The following NLN variants were observed in gnomAD, a reference collection of about 807,000 sequenced individuals.
The protein encoded by NLN is neurolysin, also known as neurolysin, mitochondrial.
NLN carries 64 observed loss-of-function variants against 79.9 expected under a neutral mutation model. That is an observed-to-expected ratio of 0.80 (90% CI 0.65 to 0.99). The LOEUF (loss-of-function observed/expected upper bound fraction) is 0.99. Ranked by LOEUF, NLN falls within the 50% of genes least tolerant of loss-of-function variation. The pLI is 0.00. For missense variants in NLN, 835 were observed against 858.7 expected (o/e 0.97, Z 0.34); for synonymous variants, 267 against 296.6 (o/e 0.90, Z 1.02).
At chr5:65,744,664 C>CGAGGCGGGTGGATCACCT (rs987929769) in intron 1 of NLN, among the ~76,000 whole-genome samples, 6 of 152,150 alleles carry the variant, frequency 3.9e-5, no homozygotes, top group Non-Finnish European at 7.4e-5. Context: ...TTTGGGAGGC[C>CGAGGCGGGTGGATCACCT]GAGGCGGGTG....
At chr5:65,730,647 C>G (rs1441943820) in intron 1 of NLN, among the ~76,000 whole-genome samples, 1 of 151,878 alleles carries the variant, frequency 6.6e-6, no homozygotes, top group African/African-American at 2.4e-5. Context: ...ACCTCCTCCT[C>G]CTGGGTTCAA....
rs569198174 is a variant in NLN, at chr5:65,778,602, CTAA to C, written c.558+1069_558+1071del. On this transcript the variant is annotated intron_variant, in intron 4 of 12. Transcript: ENST00000380985. ...TTAGTTAAGATATGTTTGGTTGCAG[CTAA>C]CAAAACCCTGTTTAAACGAGAGATT... 1.5e-4 allele frequency among the ~76,000 whole-genome samples: 23 copies of C among 152,278 alleles called. No homozygotes were observed. In the South Asian group the frequency reaches 4.8e-3, roughly 32 times the overall value.
chr5:65,799,286 A>G (rs1760232283), intron 9 of NLN, among the ~76,000 whole-genome samples: 5 of 152,226 alleles, frequency 3.3e-5, no homozygotes, highest in Admixed American at 3.3e-4. Flanking sequence ...AGTATCTTGA[A>G]TGTTCAGAAT....
chr5:65,802,477 G>A (rs749244087), intron 9 of NLN, among the ~76,000 whole-genome samples: 7 of 152,208 alleles, frequency 4.6e-5, no homozygotes, highest in African/African-American at 9.6e-5. Context: ...CACAGCCCTA[G>A]CTCAGGGAGC....
chr5:65,722,265 C>T lies in NLN; in HGVS notation c.-109C>T. On this transcript the variant is annotated 5_prime_UTR_variant, in exon 1 of 13. Coordinates refer to ENST00000380985, the MANE Select transcript of NLN (RefSeq NM_020726.5). The stretch of plus-strand genomic sequence containing the variant: ...GCTGGCCAGGCAGCCACTGTGGCCT[C>T]TGCGGCTAGGCCGGCTCGAGACTCC... The T allele has an allele frequency of 1.2e-6, 1 of 810,654 alleles. No individual in the cohort carries two copies. Among genetic ancestry groups the T allele is most frequent in the Non-Finnish European group, 1.8e-6 (1 of 553,680 alleles). 50.2% of individuals were successfully genotyped at this position (810,654 alleles called of 1,614,324 possible). A position where few individuals can be genotyped will look rare whatever the true frequency, so the allele number is the denominator to read the frequency against.
chr5:65,816,416 A>G (rs1760672591), intron 12 of NLN, among the ~76,000 whole-genome samples: 1 of 152,164 alleles, frequency 6.6e-6, no homozygotes, highest in Admixed American at 6.5e-5. Flanking sequence ...AGGATCAGGA[A>G]AAGTAACTAA....
intron 1 of NLN, among the ~76,000 whole-genome samples, chr5:65,746,574 A>G (rs1237347768): frequency 1.3e-5 from 2 of 152,168 alleles, no homozygotes. Flanking sequence ...AGTCTTGAGG[A>G]TGAAGGGAAA....
intron 5 of NLN, 80 bp downstream of exon 5, chr5:65,780,361 A>G (rs1759772974): frequency 1.4e-5 from 8 of 586,290 alleles, no homozygotes; most frequent in Non-Finnish European, 2.4e-5. Flanking sequence ...TACTTTCCAG[A>G]TACAAAATTT....
At chr5:65,729,983 G>A (rs1758569913) in intron 1 of NLN, among the ~76,000 whole-genome samples, 1 of 152,166 alleles carries the variant, frequency 6.6e-6, no homozygotes, top group Non-Finnish European at 1.5e-5. Context: ...TGTGATCTTA[G>A]GCAAGAATAC....
intron 4 of NLN, among the ~76,000 whole-genome samples, chr5:65,779,403 A>C (rs1247729787): frequency 6.6e-6 from 1 of 150,482 alleles, no homozygotes; most frequent in Admixed American, 6.6e-5. Flanking sequence ...GCTTCATTTG[A>C]TCTCCCACCT....
chr5:65,723,814 C>CAAAAAAAAAAA (rs760572199), intron 1 of NLN, among the ~76,000 whole-genome samples: 835 of 55,226 alleles, frequency 0.015, 26 homozygotes, highest in African/African-American at 0.029. Context: ...GACTCCGTCT[C>CAAAAAAAAAAA]AAAAAAAAAA....
chr5:65,790,020 A>T (rs1760021463), intron 8 of NLN, among the ~76,000 whole-genome samples: 1 of 152,208 alleles, frequency 6.6e-6, no homozygotes, highest in Admixed American at 6.5e-5. Context: ...TCTTCCCCAG[A>T]TATCAGTGGT....
chr5:65,789,098 A>G (rs2150762277), intron 8 of NLN, among the ~76,000 whole-genome samples: 1 of 152,304 alleles, frequency 6.6e-6, no homozygotes, highest in South Asian at 2.1e-4. Context: ...ACACTGCTGC[A>G]TTCTAGCCTA....
chr5:65,818,548 C>T (rs1275833550), intron 12 of NLN, among the ~76,000 whole-genome samples: 1 of 152,174 alleles, frequency 6.6e-6, no homozygotes, highest in East Asian at 1.9e-4. Context: ...CTCCATCTCT[C>T]AGTCAGCACC....
chr5:65,766,773 C>T (rs1759461404), intron 3 of NLN, among the ~76,000 whole-genome samples: 1 of 152,248 alleles, frequency 6.6e-6, no homozygotes, highest in South Asian at 2.1e-4. Context: ...ACTTCTAAGA[C>T]ACAGTGTGGG....
chr5:65,809,666 T>C lies in NLN; in HGVS notation c.1679T>C (p.Leu560Pro), dbSNP rs79295468. ...KDGSPIADDL[L>P]EKLVASRLVN... ...GGAAGCCCTATTGCAGACGATCTGC[T>C]TGAAAAACTTGTTGCTTCTAGGCTG... The change falls in exon 10 of 13, where the codon CTT (leucine) becomes CCT (proline). Residue 560 changes from leucine (L) to proline (P), a missense_variant. Leu to Pro is a moderately conservative substitution (Grantham distance 98). Transcript: ENST00000380985. 1 of 1,611,088 alleles carries C rather than the reference T, an allele frequency of 6.2e-7. No individual in the cohort carries two copies. The highest frequency in any genetic ancestry group is 1.1e-5 in the South Asian group (1 of 90,110).
chr5:65,823,103 C>A lies in NLN; in HGVS notation c.*188C>A, dbSNP rs1760837020. ...TAAATACTGTGACCTAAGAAAAGACCCACTAGAAAGTAATTGTACTATAAA... is the reference window on the plus strand; with the variant it reads ...TAAATACTGTGACCTAAGAAAAGACACACTAGAAAGTAATTGTACTATAAA... On this transcript the variant is annotated 3_prime_UTR_variant, in exon 13 of 13. Transcript: ENST00000380985. 1 of 480,132 alleles carries A rather than the reference C, an allele frequency of 2.1e-6. No individual in the cohort carries two copies. The highest frequency in any genetic ancestry group is 3.7e-6 in the Non-Finnish European group (1 of 271,826). 29.7% of individuals were successfully genotyped at this position (480,132 alleles called of 1,614,324 possible).
chr5:65,762,681 C>T (rs573771113), intron 2 of NLN, among the ~76,000 whole-genome samples: 38 of 146,836 alleles, frequency 2.6e-4, no homozygotes, highest in Non-Finnish European at 4.8e-4. Flanking sequence ...CCAGCCTGGG[C>T]GACAAAGCAA....
intron 3 of NLN, among the ~76,000 whole-genome samples, chr5:65,767,545 C>T (rs1349569605): frequency 1.3e-5 from 2 of 152,186 alleles, no homozygotes; most frequent in African/African-American, 2.4e-5. Flanking sequence ...GTTGTGAAGA[C>T]CTCTGACATG....
Sources: gnomAD v4.1 joint callset for allele counts (sites outside exome capture counted in the v4.1 genomes callset) on GRCh38, gnomAD v4.1.1 for gene constraint, MANE v1.5 for transcripts, NCBI Gene and HGNC (gene_info 2026-07-23, HGNC 2026-07-21) for gene names.